The following RFX3 variants were observed in gnomAD, a reference collection of about 807,000 sequenced individuals.
RFX3 encodes transcription factor RFX3.
In RFX3, 14 loss-of-function variants were observed where a neutral mutation model predicts 98.6. The observed-to-expected ratio is 0.14, with a 90% confidence interval of 0.09 to 0.22. The LOEUF is 0.22. Ranked by LOEUF, RFX3 falls within the 10% of genes least tolerant of loss-of-function variation. The probability of loss-of-function intolerance (pLI) is 1.00; values close to 1 mark genes in which losing one functional copy is unlikely to be tolerated. For synonymous variants in RFX3, 383 were observed against 328.4 expected, an observed-to-expected ratio of 1.17 and a Z score of -1.80; for missense variants, 639 against 926.9, an observed-to-expected ratio of 0.69 and a Z score of 4.03.
intron 1 of RFX3, among the ~76,000 whole-genome samples, chr9:3,433,966 C>A (rs1844886625): frequency 6.6e-6 from 1 of 152,172 alleles, no homozygotes; most frequent in Non-Finnish European, 1.5e-5. Flanking sequence ...GATTTGGCAC[C>A]AAGGCCATAG....
chr9:3,394,616 T>C (rs1300150067), intron 2 of RFX3, among the ~76,000 whole-genome samples: 5 of 152,180 alleles, frequency 3.3e-5, no homozygotes, highest in Non-Finnish European at 7.3e-5. Flanking sequence ...ATTATAAAAA[T>C]GTCCTTCATC....
intron 1 of RFX3, among the ~76,000 whole-genome samples, chr9:3,397,067 T>C (rs17715667): frequency 0.02 from 3,113 of 152,308 alleles, 60 homozygotes; most frequent in Non-Finnish European, 0.033. Flanking sequence ...TGAGGGAGAC[T>C]ACTATCATGT....
chr9:3,266,798 G>A (rs973651802), intron 11 of RFX3, among the ~76,000 whole-genome samples: 1 of 151,970 alleles, frequency 6.6e-6, no homozygotes, highest in Non-Finnish European at 1.5e-5. Flanking sequence ...CTGTGAATTA[G>A]AGTAATTCTC....
chr9:3,406,374 G>A (rs13298908), intron 1 of RFX3, among the ~76,000 whole-genome samples: 7 of 151,524 alleles, frequency 4.6e-5, no homozygotes, highest in Non-Finnish European at 8.8e-5. Context: ...CTACTTTCCC[G>A]TGATAGCTTC....
At chr9:3,360,291 G>C (rs775731198) in intron 2 of RFX3, among the ~76,000 whole-genome samples, 6 of 151,842 alleles carry the variant, frequency 4.0e-5, no homozygotes, top group Non-Finnish European at 8.8e-5. Context: ...CAGTGAAATG[G>C]GCAAAATGTG....
intron 15 of RFX3, among the ~76,000 whole-genome samples, chr9:3,242,974 CAA>C (rs942980423): frequency 6.6e-6 from 1 of 151,600 alleles, no homozygotes; most frequent in Non-Finnish European, 1.5e-5. Context: ...AGGTTTGTAA[CAA>C]AATCATTTTA....
In RFX3 at chr9:3,224,809, T is replaced by A. The variant is rs1335707380; in HGVS notation, c.*233A>T. 2.4e-6 allele frequency: 1 copy of A among 410,170 alleles called. No homozygotes were observed. The highest frequency in any genetic ancestry group is 4.3e-6 in the Non-Finnish European group (1 of 231,834). 25.4% of individuals were successfully genotyped at this position (410,170 alleles called of 1,614,324 possible). ...CATTAAGTGTTGTAAAAATCCTTCT[T>A]GACACCTGAAACTAAGGGAAAAAAT... On this transcript the variant is annotated 3_prime_UTR_variant, in exon 17 of 17. Transcript: ENST00000617270.
At chr9:3,305,523 A>G (rs1829180499) in intron 4 of RFX3, among the ~76,000 whole-genome samples, 1 of 151,982 alleles carries the variant, frequency 6.6e-6, no homozygotes, top group East Asian at 1.9e-4. Context: ...ACGGTGGGAA[A>G]GTGAGGGTGA....
At chr9:3,490,716 T>C (rs189566148) in intron 1 of RFX3, among the ~76,000 whole-genome samples, 65 of 152,206 alleles carry the variant, frequency 4.3e-4, no homozygotes, top group African/African-American at 1.5e-3. Context: ...CAAACAATTC[T>C]GAAAATCACC....
At position 3,518,039 on chromosome 9, in the gene RFX3, T is replaced by A. The variant is rs186562308; in HGVS notation, c.-9+7708A>T. ...ATATGTTCAGATACACAAATACTTA[T>A]CTCTGAGTTACAAGTGCCTACAGTA... On this transcript the variant is annotated intron_variant, in intron 1 of 16. Transcript: ENST00000617270. Among the ~76,000 whole-genome samples, 215 of 152,292 alleles carry A rather than the reference T, an allele frequency of 1.4e-3. 2 individuals carry two copies. The highest frequency in any genetic ancestry group is 4.7e-4 in the Non-Finnish European group (32 of 68,014).
chr9:3,404,475 G>T (rs1841780853), intron 1 of RFX3, among the ~76,000 whole-genome samples: 1 of 152,040 alleles, frequency 6.6e-6, no homozygotes, highest in Non-Finnish European at 1.5e-5. Context: ...CTTATCTATG[G>T]GAACTGGTGA....
At chr9:3,394,125 T>C (rs1247248249) in intron 2 of RFX3, among the ~76,000 whole-genome samples, 1 of 152,152 alleles carries the variant, frequency 6.6e-6, no homozygotes, top group East Asian at 1.9e-4. Flanking sequence ...TGTATATGTG[T>C]ATATGGCAGA....
rs530080300 is a variant in RFX3, at chr9:3,474,659, G to A, written c.-9+51088C>T. 2.6e-5 allele frequency among the ~76,000 whole-genome samples: 4 copies of A among 152,310 alleles called. No homozygotes were observed. In the East Asian group the frequency reaches 7.7e-4, roughly 29 times the overall value. On this transcript the variant is annotated intron_variant, in intron 1 of 16. Coordinates refer to ENST00000617270, the MANE Select transcript of RFX3 (RefSeq NM_001282116.2). ...GCCAACAAGTGGCAGCCAAGACTCT[G>A]AATACAGATTTGTCTCCAGAAACAG...
At chr9:3,393,039 G>C (rs1223307166) in intron 2 of RFX3, among the ~76,000 whole-genome samples, 1 of 146,676 alleles carries the variant, frequency 6.8e-6, no homozygotes, top group Non-Finnish European at 1.5e-5. Context: ...GAACATAAGG[G>C]ACAGGAAGGG....
intron 13 of RFX3, among the ~76,000 whole-genome samples, chr9:3,260,139 T>C (rs543603163): frequency 5.3e-5 from 8 of 151,974 alleles, no homozygotes; most frequent in East Asian, 1.9e-4. Context: ...CTGTGAAAAG[T>C]AAAATGTAGG....
chr9:3,275,959 T>C (rs918422795), intron 8 of RFX3, among the ~76,000 whole-genome samples: 1 of 152,184 alleles, frequency 6.6e-6, no homozygotes, highest in African/African-American at 2.4e-5. Flanking sequence ...ATTTTTATTA[T>C]GTTGTTTAAT....
rs1378167638 is a variant in RFX3, at chr9:3,225,023, A to G, written c.*19T>C. ...TCAACAGGGTTAATGTAAGCTGGAA[A>G]AATACGCTTTAATATTCTTTAGACT... On this transcript the variant is annotated 3_prime_UTR_variant, in exon 17 of 17. Coordinates refer to ENST00000617270, the MANE Select transcript of RFX3 (RefSeq NM_001282116.2). The G allele has an allele frequency of 3.7e-6, 6 of 1,610,046 alleles. No individual in the cohort carries two copies. The African/African-American group carries it at 8.0e-5, about 22-fold the overall frequency.
At position 3,220,262 on chromosome 9, in the gene RFX3, C is replaced by A. The variant is rs527800; in HGVS notation, c.*4780G>T. The A allele has an allele frequency of 6.6e-6, 1 of 152,082 alleles. No homozygotes were observed. Among genetic ancestry groups the A allele is most frequent in the Non-Finnish European group, 1.5e-5 (1 of 68,040 alleles). 9.4% of individuals were successfully genotyped at this position (152,082 alleles called of 1,614,324 possible). ...AGATTCTCTTAATCCACTCGAACTC[C>A]TTTCTTCCTAAGGCTTTACTTACAC... On this transcript the variant is annotated 3_prime_UTR_variant, in exon 17 of 17. Coordinates refer to ENST00000617270, the MANE Select transcript of RFX3 (RefSeq NM_001282116.2).
chr9:3,388,691 C>G (rs1160377212), intron 2 of RFX3, among the ~76,000 whole-genome samples: 1 of 151,918 alleles, frequency 6.6e-6, no homozygotes, highest in Non-Finnish European at 1.5e-5. Flanking sequence ...CAAAAATCTA[C>G]CAGAAACAAA....
Sources: gnomAD v4.1 joint callset for allele counts (sites outside exome capture counted in the v4.1 genomes callset) on GRCh38, gnomAD v4.1.1 for gene constraint, MANE v1.5 for transcripts, NCBI Gene and HGNC (gene_info 2026-07-23, HGNC 2026-07-21) for gene names.